ARHGAP15: variants seen among roughly 807,000 people sequenced by gnomAD.
ARHGAP15 encodes rho GTPase-activating protein 15.
A neutral mutation model predicts 63.7 loss-of-function variants in ARHGAP15; 51 were observed. The observed-to-expected ratio is 0.80, with a 90% confidence interval of 0.64 to 1.01. The LOEUF (loss-of-function observed/expected upper bound fraction) is 1.01, where lower values mean the gene tolerates loss of function less well. Among genes scored for constraint, ARHGAP15 ranks in the 50% least tolerant of loss-of-function variants. The pLI is 0.00. For missense variants in ARHGAP15, 560 were observed against 564.6 expected (o/e 0.99, Z 0.08); for synonymous variants, 191 against 193.8 (o/e 0.99, Z 0.12).
At chr2:143,243,054 T>A in intron 5 of ARHGAP15, among the ~76,000 whole-genome samples, 1 of 152,162 alleles carries the variant, frequency 6.6e-6, no homozygotes, top group East Asian at 1.9e-4. Flanking sequence ...CATCTAGTAA[T>A]AAGGGTAAGA....
At chr2:143,204,586 T>C (rs900872676) in intron 3 of ARHGAP15, among the ~76,000 whole-genome samples, 3 of 152,108 alleles carry the variant, frequency 2.0e-5, no homozygotes, top group Non-Finnish European at 2.9e-5. Flanking sequence ...TTTCAACATA[T>C]GAGTTTTAAG....
chr2:143,177,388 A>T (rs1338030201), intron 2 of ARHGAP15, among the ~76,000 whole-genome samples: 1 of 152,228 alleles, frequency 6.6e-6, no homozygotes, highest in African/African-American at 2.4e-5. Flanking sequence ...CGTCAGAAAC[A>T]TAATTAGGAA....
intron 8 of ARHGAP15, among the ~76,000 whole-genome samples, chr2:143,457,894 A>C (rs1690736573): frequency 6.6e-6 from 1 of 151,934 alleles, no homozygotes; most frequent in Admixed American, 6.6e-5. Context: ...AAATGTTTTT[A>C]ATATTAAAGA....
At chr2:143,637,734 C>CAA (rs145042540) in intron 12 of ARHGAP15, among the ~76,000 whole-genome samples, 94 of 138,444 alleles carry the variant, frequency 6.8e-4, no homozygotes, top group Non-Finnish European at 6.9e-4. Context: ...AATATTGTGC[C>CAA]AAAAAAAAAA....
At chr2:143,730,687 T>C (rs77848697) in intron 13 of ARHGAP15, among the ~76,000 whole-genome samples, 6,752 of 152,170 alleles carry the variant, frequency 0.044, 219 homozygotes, top group Non-Finnish European at 0.064. Flanking sequence ...GGCTTCATTA[T>C]ATTTTGTATT....
At chr2:143,528,120 TCTCTA>T (rs1349953131) in intron 10 of ARHGAP15, among the ~76,000 whole-genome samples, 3 of 152,102 alleles carry the variant, frequency 2.0e-5, no homozygotes, top group African/African-American at 2.4e-5. Flanking sequence ...AAATATCCAT[TCTCTA>T]CTCATTTTCA....
chr2:143,622,780 TTAAAAAAAAA>T (rs1382987277), intron 11 of ARHGAP15, among the ~76,000 whole-genome samples: 2 of 85,270 alleles, frequency 2.3e-5, no homozygotes, highest in African/African-American at 6.4e-5. Flanking sequence ...GTTCATTTAT[TTAAAAAAAAA>T]AAAAAAAAAA....
intron 2 of ARHGAP15, among the ~76,000 whole-genome samples, chr2:143,161,644 A>G (rs930340470): frequency 1.3e-5 from 2 of 151,954 alleles, no homozygotes; most frequent in African/African-American, 4.8e-5. Flanking sequence ...TGCCTCTAAC[A>G]TGGAACATCT....
At chr2:143,526,560 T>C (rs540992102) in intron 10 of ARHGAP15, among the ~76,000 whole-genome samples, 28 of 152,196 alleles carry the variant, frequency 1.8e-4, no homozygotes, top group Non-Finnish European at 3.8e-4. Context: ...AAATAGCCTA[T>C]ACTGGTGTCA....
intron 9 of ARHGAP15, among the ~76,000 whole-genome samples, chr2:143,510,088 G>A (rs1176179848): frequency 4.7e-5 from 7 of 147,876 alleles, no homozygotes; most frequent in African/African-American, 1.7e-4. Context: ...AAAGTTTTGG[G>A]CTGAAAACCA....
chr2:143,713,593 C>T (rs548343843), intron 13 of ARHGAP15, among the ~76,000 whole-genome samples: 4 of 152,286 alleles, frequency 2.6e-5, no homozygotes, highest in African/African-American at 9.6e-5. Context: ...TCATCTGAGA[C>T]AAGGCACGTC....
chr2:143,561,011 C>A (rs13420499), intron 11 of ARHGAP15, among the ~76,000 whole-genome samples: 10 of 152,162 alleles, frequency 6.6e-5, no homozygotes, highest in African/African-American at 1.2e-4. Context: ...CATCAGCCTG[C>A]GACATTGCGT....
chr2:143,257,211 A>G (rs569824789), intron 6 of ARHGAP15, among the ~76,000 whole-genome samples: 23 of 152,250 alleles, frequency 1.5e-4, no homozygotes, highest in Admixed American at 7.9e-4. Flanking sequence ...TTTCATTACT[A>G]GAGGGCATAA....
chr2:143,662,582 C>T (rs183713613), intron 12 of ARHGAP15, among the ~76,000 whole-genome samples: 11,713 of 103,858 alleles, frequency 0.11, 740 homozygotes, highest in Middle Eastern at 0.21. Context: ...TTTGACGAGC[C>T]GAGAGAAGAA....
intron 6 of ARHGAP15, among the ~76,000 whole-genome samples, chr2:143,336,103 C>T (rs1460498144): frequency 6.6e-6 from 1 of 152,118 alleles, no homozygotes; most frequent in East Asian, 1.9e-4. Context: ...CAGGCTCAAG[C>T]GATCCTCCTG....
intron 13 of ARHGAP15, among the ~76,000 whole-genome samples, chr2:143,753,997 C>T (rs1237923039): frequency 6.6e-6 from 1 of 152,166 alleles, no homozygotes; most frequent in Non-Finnish European, 1.5e-5. Flanking sequence ...TTCTAATTCA[C>T]CATCAGGGTG....
chr2:143,150,602 G>A (rs1438529389), intron 1 of ARHGAP15, among the ~76,000 whole-genome samples: 3 of 152,040 alleles, frequency 2.0e-5, no homozygotes, highest in Admixed American at 2.0e-4. Flanking sequence ...CCAGTCTTAA[G>A]TGATTTACAT....
At chr2:143,264,352 G>A (rs891655020) in intron 6 of ARHGAP15, among the ~76,000 whole-genome samples, 20 of 151,982 alleles carry the variant, frequency 1.3e-4, no homozygotes, top group Non-Finnish European at 5.9e-5. Context: ...TGGAAGGTAA[G>A]GCCTTCCTCC....
chr2:143,474,274 C>A (rs2105196817), intron 8 of ARHGAP15, among the ~76,000 whole-genome samples: 1 of 152,192 alleles, frequency 6.6e-6, no homozygotes, highest in African/African-American at 2.4e-5. Context: ...CTTAGCATTG[C>A]TACATGTCAA....
Sources: gnomAD v4.1 joint callset for allele counts (sites outside exome capture counted in the v4.1 genomes callset) on GRCh38, gnomAD v4.1.1 for gene constraint, MANE v1.5 for transcripts, NCBI Gene and HGNC (gene_info 2026-07-23, HGNC 2026-07-21) for gene names.